The following ATG10 variants were observed in gnomAD, a reference collection of about 807,000 sequenced individuals.
ATG10 encodes the protein ubiquitin-like-conjugating enzyme ATG10.
Under a neutral mutation model 32.1 loss-of-function variants are expected in ATG10, and 30 were observed. That is an observed-to-expected ratio of 0.94 (90% CI 0.70 to 1.27). ATG10 has a LOEUF of 1.27. Ranked by LOEUF, ATG10 falls within the 50% of genes most tolerant of loss-of-function variation. ATG10 has a pLI of 0.00. For synonymous variants in ATG10, 87 were observed against 91.5 expected (o/e 0.95, Z 0.28); for missense variants, 233 against 262.3 (o/e 0.89, Z 0.77).
chr5:81,983,539 G>C (rs1761138740), intron 1 of ATG10, among the ~76,000 whole-genome samples: 1 of 149,364 alleles, frequency 6.7e-6, no homozygotes, highest in Non-Finnish European at 1.5e-5. Context: ...CTCCCGGATG[G>C]GGCCGCTGGC....
At chr5:82,129,145 G>T (rs1005983207) in intron 3 of ATG10, among the ~76,000 whole-genome samples, 1 of 151,622 alleles carries the variant, frequency 6.6e-6, no homozygotes, top group African/African-American at 2.4e-5. Flanking sequence ...TTCAGCCTTT[G>T]ATACCTTTGT....
At chr5:82,105,298 C>T (rs1765411478) in intron 3 of ATG10, among the ~76,000 whole-genome samples, 1 of 151,900 alleles carries the variant, frequency 6.6e-6, no homozygotes, top group Non-Finnish European at 1.5e-5. Flanking sequence ...ATCACATTTT[C>T]TGAATATTTT....
rs189933694 is a variant in ATG10 at position 82,107,394 on chromosome 5, A to G, written c.216+48792A>G. ...TTTCTACTCTGGGTGTTTGCAGGAGATAAAGGGAGCAGCTAAGCTGAATTG... is the reference window on the plus strand; with the variant it reads ...TTTCTACTCTGGGTGTTTGCAGGAGGTAAAGGGAGCAGCTAAGCTGAATTG... On this transcript the variant is annotated intron_variant, in intron 3 of 7. Coordinates refer to ENST00000282185, the MANE Select transcript of ATG10 (RefSeq NM_031482.5). Among the ~76,000 whole-genome samples, 17 of 152,174 alleles carry G rather than the reference A, an allele frequency of 1.1e-4. No individual in the cohort carries two copies. The South Asian group carries it at 2.5e-3, about 22-fold the overall frequency.
At chr5:82,111,836 G>T (rs947605132) in intron 3 of ATG10, among the ~76,000 whole-genome samples, 9 of 151,912 alleles carry the variant, frequency 5.9e-5, no homozygotes, top group African/African-American at 2.2e-4. Flanking sequence ...AACTATTAAT[G>T]TGAAAGGACA....
At chr5:81,991,121 C>T (rs1405832312) in intron 2 of ATG10, among the ~76,000 whole-genome samples, 1 of 152,178 alleles carries the variant, frequency 6.6e-6, no homozygotes, top group Non-Finnish European at 1.5e-5. Context: ...CCTGTGTTCT[C>T]AATTTGGGCA....
At chr5:82,189,680 G>C (rs552776921) in intron 5 of ATG10, among the ~76,000 whole-genome samples, 2 of 152,298 alleles carry the variant, frequency 1.3e-5, no homozygotes, top group East Asian at 1.9e-4. Flanking sequence ...CTGGAGTGCA[G>C]TGGCACAATC....
At position 82,003,385 on chromosome 5, in the gene ATG10, AG is replaced by A. The variant is rs113505499; in HGVS notation, c.108+15710del. ...GCAGGAATGGCTGACTCCAGGTCTG[AG>A]GGAAGAAGTGTACAAACTCCAGGTC... On this transcript the variant is annotated intron_variant, in intron 2 of 7. Coordinates refer to ENST00000282185, the MANE Select transcript of ATG10 (RefSeq NM_031482.5). Among the ~76,000 whole-genome samples, 253 of 152,314 alleles carry A rather than the reference AG, an allele frequency of 1.7e-3. 2 individuals are homozygous for A. Among genetic ancestry groups the A allele is most frequent in the African/African-American group, 5.8e-3 (240 of 41,564 alleles).
intron 3 of ATG10, among the ~76,000 whole-genome samples, chr5:82,135,484 A>G (rs773049295): frequency 4.6e-5 from 7 of 152,278 alleles, no homozygotes; most frequent in East Asian, 1.9e-4. Flanking sequence ...TTCGTTATTT[A>G]CCCAGTGGTC....
chr5:82,156,972 G>A (rs1767822459), intron 3 of ATG10, among the ~76,000 whole-genome samples: 1 of 152,150 alleles, frequency 6.6e-6, no homozygotes, highest in African/African-American at 2.4e-5. Context: ...CTGTCTTGCT[G>A]TTTCCTATGC....
chr5:81,982,260 G>C (rs1405078559), intron 1 of ATG10, among the ~76,000 whole-genome samples: 5 of 152,168 alleles, frequency 3.3e-5, no homozygotes, highest in Admixed American at 6.5e-5. Context: ...GAGCTCAGGA[G>C]TTCGCAACCA....
chr5:82,228,057 T>G (rs747456218), intron 5 of ATG10, among the ~76,000 whole-genome samples: 1 of 151,832 alleles, frequency 6.6e-6, no homozygotes, highest in Non-Finnish European at 1.5e-5. Flanking sequence ...AATACAAAAA[T>G]TAGCTGGGCA....
chr5:82,115,005 T>C (rs1377505392), intron 3 of ATG10, among the ~76,000 whole-genome samples: 2 of 152,102 alleles, frequency 1.3e-5, no homozygotes, highest in African/African-American at 4.8e-5. Flanking sequence ...TTTTAATTAA[T>C]GTAAATTTCA....
At chr5:82,040,625 A>G (rs1763056668) in intron 2 of ATG10, among the ~76,000 whole-genome samples, 1 of 152,226 alleles carries the variant, frequency 6.6e-6, no homozygotes, top group Non-Finnish European at 1.5e-5. Flanking sequence ...ACAATTCCTA[A>G]GAATTAAAAA....
chr5:82,139,614 C>T (rs1185406174), intron 3 of ATG10, among the ~76,000 whole-genome samples: 1 of 136,368 alleles, frequency 7.3e-6, no homozygotes, highest in Non-Finnish European at 1.6e-5. Context: ...GGCAGCCACC[C>T]CATCTGGGAA....
intron 2 of ATG10, among the ~76,000 whole-genome samples, chr5:82,046,607 G>A (rs1763243789): frequency 6.6e-6 from 1 of 152,192 alleles, no homozygotes; most frequent in Non-Finnish European, 1.5e-5. Flanking sequence ...TCCCAGGGAG[G>A]CCTTTGTCAC....
chr5:82,216,029 G>A (rs1032939181), intron 5 of ATG10, among the ~76,000 whole-genome samples: 2 of 152,114 alleles, frequency 1.3e-5, no homozygotes, highest in Non-Finnish European at 2.9e-5. Flanking sequence ...ATTGCAGCAG[G>A]CTTAATCAAT....
intron 3 of ATG10, among the ~76,000 whole-genome samples, chr5:82,162,901 A>G (rs766333393): frequency 1.3e-4 from 20 of 152,098 alleles, no homozygotes; most frequent in Non-Finnish European, 1.0e-4. Context: ...AAAATCAAAA[A>G]GTCTAAAAAA....
In ATG10 at chr5:82,000,596, T is replaced by A. The variant is rs188947092; in HGVS notation, c.108+12918T>A. On this transcript the variant is annotated intron_variant, in intron 2 of 7. Transcript: ENST00000282185. ...TGGTCTCTGCCCAAAAGCTCCTAGA[T>A]CTAATAAACAACTTCACCAAAGTTT... Among the ~76,000 whole-genome samples the A allele has an allele frequency of 6.8e-3, 1,035 of 152,290 alleles. 4 individuals are homozygous for A. The highest frequency in any genetic ancestry group is 9.6e-3 in the Non-Finnish European group (654 of 68,022).
intron 2 of ATG10, among the ~76,000 whole-genome samples, chr5:82,009,237 T>C (rs1762062902): frequency 6.6e-6 from 1 of 152,182 alleles, no homozygotes; most frequent in South Asian, 2.1e-4. Flanking sequence ...TACTGATTAA[T>C]TGCTCTTTTG....
Sources: allele counts gnomAD v4.1 joint callset (sites outside exome capture counted in the v4.1 genomes callset), GRCh38; gene constraint gnomAD v4.1.1; transcripts MANE v1.5; gene names NCBI Gene and HGNC (gene_info 2026-07-23, HGNC 2026-07-21).